Variants in SLC4A7 observed in about 807,000 individuals in gnomAD.
The protein encoded by SLC4A7 is solute carrier family 4 member 7, also known as sodium bicarbonate cotransporter 3.
Under a neutral mutation model 137.6 loss-of-function variants are expected in SLC4A7, and 51 were observed. That is an observed-to-expected ratio of 0.37 (90% CI 0.30 to 0.47). The LOEUF (loss-of-function observed/expected upper bound fraction) is 0.47, where lower values mean the gene tolerates loss of function less well. Ranked by LOEUF, SLC4A7 falls within the 20% of genes least tolerant of loss-of-function variation. The probability of loss-of-function intolerance (pLI) is 1.00; values close to 1 mark genes in which losing one functional copy is unlikely to be tolerated. For missense variants in SLC4A7, 1,247 were observed against 1,525.4 expected (o/e 0.82, Z 3.04); for synonymous variants, 542 against 518.6 (o/e 1.05, Z -0.61).
intron 3 of SLC4A7, among the ~76,000 whole-genome samples, chr3:27,443,732 TC>T (rs1400848658): frequency 6.6e-6 from 1 of 152,226 alleles, no homozygotes; most frequent in Non-Finnish European, 1.5e-5. Context: ...CATGCATGAA[TC>T]CTGTACATAC....
At chr3:27,405,267 C>T (rs188130962) in intron 13 of SLC4A7, among the ~76,000 whole-genome samples, 2 of 152,084 alleles carry the variant, frequency 1.3e-5, no homozygotes, top group East Asian at 1.9e-4. Context: ...AGTGCCAATA[C>T]GACACTCAAA....
intron 23 of SLC4A7, among the ~76,000 whole-genome samples, chr3:27,384,144 G>C (rs1247085411): frequency 6.6e-6 from 1 of 151,946 alleles, no homozygotes; most frequent in Non-Finnish European, 1.5e-5. Context: ...ACTATTTTGA[G>C]GTGTCAATTT....
At chr3:27,410,786 T>C (rs2053828786) in intron 12 of SLC4A7, among the ~76,000 whole-genome samples, 1 of 152,214 alleles carries the variant, frequency 6.6e-6, no homozygotes, top group Admixed American at 6.5e-5. Flanking sequence ...CTTTTCTCTA[T>C]TGTATTCACA....
intron 1 of SLC4A7, among the ~76,000 whole-genome samples, chr3:27,455,231 C>T (rs1576577449): frequency 6.6e-6 from 1 of 152,056 alleles, no homozygotes; most frequent in Non-Finnish European, 1.5e-5. Flanking sequence ...AGAAACCAGA[C>T]CCAAAAAATG....
rs2049781485 is a variant in SLC4A7 at position 27,374,670 on chromosome 3, C to A, written c.*2094G>T. On this transcript the variant is annotated 3_prime_UTR_variant, in exon 26 of 26. Coordinates refer to ENST00000454389, the MANE Select transcript of SLC4A7 (RefSeq NM_001321103.2). ...ATTTTGCAAGTGACGGTTTTTCTGG[C>A]ACTGGATAATTACTATACACAATTA... is the stretch of plus-strand genomic sequence containing the variant. The A allele has an allele frequency of 6.6e-6, 1 of 152,446 alleles. No homozygotes were observed. The highest frequency in any genetic ancestry group is 1.5e-5 in the Non-Finnish European group (1 of 67,890). 9.4% of individuals were successfully genotyped at this position (152,446 alleles called of 1,614,324 possible). A position where few individuals can be genotyped will look rare whatever the true frequency, so the allele number is the denominator to read the frequency against.
intron 11 of SLC4A7, among the ~76,000 whole-genome samples, chr3:27,416,714 CT>C (rs774852039): frequency 9.9e-5 from 15 of 152,212 alleles, no homozygotes; most frequent in Non-Finnish European, 1.8e-4. Context: ...AACAAATAGC[CT>C]TCATTTCATA....
At chr3:27,403,011 C>T (rs2052943221) in intron 15 of SLC4A7, 128 bp downstream of exon 15, 2 of 769,068 alleles carry the variant, frequency 2.6e-6, no homozygotes, top group African/African-American at 3.5e-5. Context: ...AACCATGTCA[C>T]TATCACATGG....
chr3:27,407,451 G>A (rs1177382146), intron 13 of SLC4A7, among the ~76,000 whole-genome samples: 2 of 149,478 alleles, frequency 1.3e-5, no homozygotes. Flanking sequence ...CTGCACTCCA[G>A]CCTGGTGACG....
chr3:27,464,870 T>C lies in SLC4A7; in HGVS notation c.61-12372A>G, dbSNP rs953785849. On this transcript the variant is annotated intron_variant, in intron 1 of 25. Coordinates refer to ENST00000454389, the MANE Select transcript of SLC4A7 (RefSeq NM_001321103.2). ...GAGCCTGGCCCCTCCTGTTCCGGGA[T>C]AGTAACCTGGAATTCAATTGGTGAG... is the stretch of plus-strand genomic sequence containing the variant. 3.3e-5 allele frequency among the ~76,000 whole-genome samples: 5 copies of C among 152,240 alleles called. 1 individual carries two copies. The South Asian group carries it at 6.2e-4, about 19-fold the overall frequency.
At chr3:27,394,188 A>C (rs1307754299) in intron 20 of SLC4A7, among the ~76,000 whole-genome samples, 1 of 148,328 alleles carries the variant, frequency 6.7e-6, no homozygotes, top group East Asian at 2.0e-4. Flanking sequence ...CTGGCTAATT[A>C]TTTTTATTTT....
chr3:27,470,970 A>G (rs60018470), intron 1 of SLC4A7, among the ~76,000 whole-genome samples: 19,473 of 152,132 alleles, frequency 0.13, 1,233 homozygotes, highest in Middle Eastern at 0.19. Flanking sequence ...AAAATAAAAC[A>G]AAACAGCAAA....
chr3:27,455,283 T>C (rs1242001240), intron 1 of SLC4A7, among the ~76,000 whole-genome samples: 3 of 152,218 alleles, frequency 2.0e-5, no homozygotes, highest in Non-Finnish European at 4.4e-5. Context: ...GTCTCAAAGA[T>C]AGTTGTTTAC....
intron 3 of SLC4A7, among the ~76,000 whole-genome samples, chr3:27,443,649 C>T (rs1389216336): frequency 1.3e-5 from 2 of 152,126 alleles, no homozygotes; most frequent in Non-Finnish European, 2.9e-5. Context: ...TTAAATGCTA[C>T]AAATTTTTCT....
chr3:27,456,840 G>T (rs1184346934), intron 1 of SLC4A7: 1 of 1,390,886 alleles, frequency 7.2e-7, no homozygotes, highest in Non-Finnish European at 9.3e-7. Context: ...TGTGTTCTAA[G>T]TTACCTAATC....
At chr3:27,449,023 G>C (rs2057878799) in intron 2 of SLC4A7, among the ~76,000 whole-genome samples, 1 of 151,862 alleles carries the variant, frequency 6.6e-6, no homozygotes. Flanking sequence ...ACTTATGTAA[G>C]TATTTGCACA....
intron 1 of SLC4A7, among the ~76,000 whole-genome samples, chr3:27,465,273 G>C (rs756442559): frequency 1.6e-5 from 2 of 122,576 alleles, no homozygotes; most frequent in South Asian, 2.7e-4. Context: ...CTGGGCAACA[G>C]AGCAAGACTC....
At chr3:27,461,949 G>A (rs943095779) in intron 1 of SLC4A7, among the ~76,000 whole-genome samples, 7 of 151,862 alleles carry the variant, frequency 4.6e-5, no homozygotes, top group African/African-American at 1.2e-4. Context: ...GAAACAGTGC[G>A]ATTCCATCTC....
intron 1 of SLC4A7, among the ~76,000 whole-genome samples, chr3:27,472,755 T>A (rs146322426): frequency 4.2e-4 from 64 of 152,340 alleles, no homozygotes; most frequent in African/African-American, 1.5e-3. Flanking sequence ...TCTATTTGTA[T>A]CTTACCTCTA....
At chr3:27,413,052 A>C (rs1430346887) in intron 11 of SLC4A7, among the ~76,000 whole-genome samples, 1 of 152,168 alleles carries the variant, frequency 6.6e-6, no homozygotes, top group Non-Finnish European at 1.5e-5. Context: ...CTGTTTGAAA[A>C]ATACAATAGA....
Sources: allele counts gnomAD v4.1 joint callset (sites outside exome capture counted in the v4.1 genomes callset), GRCh38; gene constraint gnomAD v4.1.1; transcripts MANE v1.5; gene names NCBI Gene and HGNC (gene_info 2026-07-23, HGNC 2026-07-21).